UBAC2: variants seen among roughly 807,000 people sequenced by gnomAD.
The protein encoded by UBAC2 is ubiquitin-associated domain-containing protein 2.
UBAC2 carries 26 observed loss-of-function variants against 44.0 expected under a neutral mutation model. That is an observed-to-expected ratio of 0.59 (90% confidence interval 0.43 to 0.82). The LOEUF (loss-of-function observed/expected upper bound fraction) is 0.82, where lower values mean the gene tolerates loss of function less well. Ranked by LOEUF, UBAC2 falls within the 40% of genes least tolerant of loss-of-function variation. The probability of loss-of-function intolerance (pLI) is 0.00; values close to 1 mark genes in which losing one functional copy is unlikely to be tolerated. For missense variants in UBAC2, 329 were observed against 419.4 expected (o/e 0.78, Z 1.88); for synonymous variants, 155 against 154.3 (o/e 1.00, Z -0.04).
intron 7 of UBAC2, among the ~76,000 whole-genome samples, chr13:99,341,543 A>G (rs2044888512): frequency 6.6e-6 from 1 of 152,210 alleles, no homozygotes; most frequent in Non-Finnish European, 1.5e-5. Context: ...AAAGATGCCC[A>G]TGGTGTATTT....
chr13:99,255,588 C>T (rs761669083), intron 4 of UBAC2: 1 of 1,614,196 alleles, frequency 6.2e-7, no homozygotes, highest in East Asian at 2.2e-5. Context: ...CTCCAAGAAT[C>T]TGGCAGAAGT....
chr13:99,239,252 C>T (rs1210240583), intron 2 of UBAC2, among the ~76,000 whole-genome samples: 3 of 152,336 alleles, frequency 2.0e-5, no homozygotes, highest in Admixed American at 6.5e-5. Context: ...CACCAACTTA[C>T]TGTGCAGGTC....
intron 4 of UBAC2, among the ~76,000 whole-genome samples, chr13:99,249,125 C>T (rs955766006): frequency 1.3e-5 from 2 of 152,070 alleles, no homozygotes; most frequent in African/African-American, 2.4e-5. Flanking sequence ...TCCTGTCACC[C>T]AGGTAGTGAG....
intron 4 of UBAC2, among the ~76,000 whole-genome samples, chr13:99,300,231 A>G (rs2044238452): frequency 2.6e-5 from 4 of 152,236 alleles, no homozygotes. Flanking sequence ...TTAACTGACG[A>G]CCGTTGTGCA....
intron 4 of UBAC2, among the ~76,000 whole-genome samples, chr13:99,261,180 A>G (rs2043655667): frequency 6.6e-6 from 1 of 152,148 alleles, no homozygotes; most frequent in Non-Finnish European, 1.5e-5. Flanking sequence ...CACTGTTGTT[A>G]CTGTTCATGT....
chr13:99,339,512 G>T (rs2044851926), intron 6 of UBAC2, among the ~76,000 whole-genome samples: 1 of 152,130 alleles, frequency 6.6e-6, no homozygotes, highest in African/African-American at 2.4e-5. Flanking sequence ...CAGTCTCAAA[G>T]AATTCTTGCC....
chr13:99,221,612 C>T (rs761868756), intron 1 of UBAC2, among the ~76,000 whole-genome samples: 1 of 152,146 alleles, frequency 6.6e-6, no homozygotes, highest in African/African-American at 2.4e-5. Flanking sequence ...CTGTGTTCCT[C>T]CCATGGGGCT....
At chr13:99,247,093 C>T (rs1412746085) in intron 4 of UBAC2, among the ~76,000 whole-genome samples, 1 of 152,190 alleles carries the variant, frequency 6.6e-6, no homozygotes, top group East Asian at 1.9e-4. Context: ...TTCTTGGCCT[C>T]CCAAAGTGCT....
chr13:99,280,773 C>T lies in UBAC2; in HGVS notation c.390-33324C>T, dbSNP rs9554580. 1.8e-4 allele frequency among the ~76,000 whole-genome samples: 28 copies of T among 152,280 alleles called. No homozygotes were observed. In the East Asian group the frequency reaches 4.2e-3, roughly 23 times the overall value. On this transcript the variant is annotated intron_variant, in intron 4 of 8. Transcript: ENST00000403766. ...TTTTTTGCACTAAATTATTGTGTCT[C>T]TGCTAATGTCCTTTTTCCTTTCTTC... is the stretch of plus-strand genomic sequence containing the variant.
At chr13:99,293,545 T>C (rs555213836) in intron 4 of UBAC2, among the ~76,000 whole-genome samples, 1 of 152,362 alleles carries the variant, frequency 6.6e-6, no homozygotes, top group Non-Finnish European at 1.5e-5. Flanking sequence ...TTCTTTTCCT[T>C]CACTTGGGAA....
intron 4 of UBAC2, among the ~76,000 whole-genome samples, chr13:99,313,609 G>A (rs759890936): frequency 9.2e-5 from 14 of 152,064 alleles, no homozygotes; most frequent in Non-Finnish European, 4.4e-5. Context: ...AGAAATCACT[G>A]GGCAACCACT....
At chr13:99,212,143 T>A (rs1303010178) in intron 1 of UBAC2, among the ~76,000 whole-genome samples, 1 of 152,164 alleles carries the variant, frequency 6.6e-6, no homozygotes, top group African/African-American at 2.4e-5. Flanking sequence ...CCTGTCTCAA[T>A]ATCAGTTTTA....
chr13:99,378,151 G>T lies in UBAC2; in HGVS notation c.928-7077G>T, dbSNP rs74507059. Among the ~76,000 whole-genome samples, 376 of 152,262 alleles carry T rather than the reference G, an allele frequency of 2.5e-3. 1 individual carries two copies. Among genetic ancestry groups the T allele is most frequent in the Non-Finnish European group, 4.3e-3 (292 of 68,016 alleles). On this transcript the variant is annotated intron_variant, in intron 8 of 8. Coordinates refer to ENST00000403766, the MANE Select transcript of UBAC2 (RefSeq NM_001144072.2). Reference sequence around the variant, plus strand: ...CATCTCCATCATCACTGTTGTCACAGTCACCTTGACTCAGAACCATCTCAG... The same window carrying T: ...CATCTCCATCATCACTGTTGTCACATTCACCTTGACTCAGAACCATCTCAG...
chr13:99,277,768 T>C (rs527252403), intron 4 of UBAC2, among the ~76,000 whole-genome samples: 1 of 152,212 alleles, frequency 6.6e-6, no homozygotes, highest in Admixed American at 6.5e-5. Flanking sequence ...GCCTACTTAC[T>C]GGGGCTTTGA....
intron 7 of UBAC2, among the ~76,000 whole-genome samples, chr13:99,346,829 G>A (rs1016185405): frequency 2.0e-5 from 3 of 152,186 alleles, no homozygotes; most frequent in East Asian, 1.9e-4. Flanking sequence ...GTGTGTCTCC[G>A]GATGGAGCAG....
At chr13:99,303,094 G>A (rs1227513206) in intron 4 of UBAC2, among the ~76,000 whole-genome samples, 3 of 152,184 alleles carry the variant, frequency 2.0e-5, no homozygotes, top group African/African-American at 4.8e-5. Flanking sequence ...GAGGAGCTCT[G>A]TGACCAGCCT....
chr13:99,225,424 C>T lies in UBAC2; in HGVS notation c.32-13003C>T, dbSNP rs933353248. 1.3e-4 allele frequency among the ~76,000 whole-genome samples: 20 copies of T among 152,144 alleles called. 1 individual carries two copies. The highest frequency in any genetic ancestry group is 7.9e-4 in the Admixed American group (12 of 15,266). ...CATATAATATTTATCTTTTTGTGAC[C>T]GGCTTATTTCACATAGCATAATGTC... On this transcript the variant is annotated intron_variant, in intron 1 of 8. Transcript: ENST00000403766.
chr13:99,373,499 T>G (rs1206884757), intron 8 of UBAC2, among the ~76,000 whole-genome samples: 2 of 152,248 alleles, frequency 1.3e-5, no homozygotes, highest in Non-Finnish European at 2.9e-5. Context: ...GGCTAAGCGC[T>G]GTGCTGAATT....
intron 1 of UBAC2, among the ~76,000 whole-genome samples, chr13:99,232,420 A>ATATATATATATATATATATATATATT (rs1438082766): frequency 2.8e-5 from 4 of 142,694 alleles, no homozygotes; most frequent in African/African-American, 1.0e-4. Context: ...ATATATATAT[A>ATATATATATATATATATATATATATT]TTCACACACA....
Sources: allele counts gnomAD v4.1 joint callset (sites outside exome capture counted in the v4.1 genomes callset), GRCh38; gene constraint gnomAD v4.1.1; transcripts MANE v1.5; gene names NCBI Gene and HGNC (gene_info 2026-07-23, HGNC 2026-07-21).